The following CHCHD6 variants were observed in gnomAD, a reference collection of about 807,000 sequenced individuals.
The protein encoded by CHCHD6 is MICOS complex subunit MIC25.
In CHCHD6, 28 loss-of-function variants were observed where a neutral mutation model predicts 32.3. The ratio of observed to expected loss-of-function variants is 0.87; its 90% CI spans 0.64 to 1.19. CHCHD6 has a LOEUF of 1.19. CHCHD6 is among the 50% of genes most tolerant of loss of function. CHCHD6 has a pLI of 0.00. For synonymous variants in CHCHD6, 122 were observed against 117.5 expected (o/e 1.04, Z -0.25); for missense variants, 333 against 307.0 (o/e 1.08, Z -0.63).
chr3:126,831,058 CTT>C (rs377625869), intron 4 of CHCHD6, among the ~76,000 whole-genome samples: 6 of 151,622 alleles, frequency 4.0e-5, no homozygotes, highest in South Asian at 2.1e-4. Flanking sequence ...TAGTCTCACT[CTT>C]TTGCTCAGGC....
At chr3:126,780,334 G>T in intron 4 of CHCHD6, 1 of 427,108 alleles carries the variant, frequency 2.3e-6, no homozygotes, top group Non-Finnish European at 4.7e-6. Flanking sequence ...TTTTATTTTT[G>T]AACAGATAAT....
intron 4 of CHCHD6, among the ~76,000 whole-genome samples, chr3:126,783,273 A>G (rs1938038860): frequency 6.6e-6 from 1 of 152,242 alleles, no homozygotes; most frequent in South Asian, 2.1e-4. Context: ...TCATGATAAA[A>G]ATCGTCAGCA....
At chr3:126,817,998 G>C (rs1296219937) in intron 4 of CHCHD6, among the ~76,000 whole-genome samples, 1 of 152,174 alleles carries the variant, frequency 6.6e-6, no homozygotes, top group Non-Finnish European at 1.5e-5. Flanking sequence ...GCACAGTTTA[G>C]CACCTCCCTC....
chr3:126,895,106 T>C (rs189617240), intron 5 of CHCHD6, among the ~76,000 whole-genome samples: 79 of 152,368 alleles, frequency 5.2e-4, no homozygotes, highest in Admixed American at 1.4e-3. Context: ...TAATAAGATA[T>C]CTTGCAGTTC....
intron 5 of CHCHD6, among the ~76,000 whole-genome samples, chr3:126,864,088 T>A (rs1942127723): frequency 7.1e-6 from 1 of 140,038 alleles, no homozygotes; most frequent in Non-Finnish European, 1.5e-5. Context: ...CACCACCTCC[T>A]CCACCACCAT....
chr3:126,912,656 C>A, intron 5 of CHCHD6, among the ~76,000 whole-genome samples: 1 of 152,252 alleles, frequency 6.6e-6, no homozygotes, highest in East Asian at 1.9e-4. Flanking sequence ...GCCCCCAGGC[C>A]TCCCTGACTC....
chr3:126,957,895 G>A (rs1395660295), intron 7 of CHCHD6: 2 of 399,390 alleles, frequency 5.0e-6, no homozygotes, highest in Non-Finnish European at 9.5e-6. Flanking sequence ...GGCACTTAGG[G>A]GTGGGAGGGT....
In CHCHD6 at chr3:126,863,499, T is replaced by C. The variant is rs377402997; in HGVS notation, c.495+10769T>C. Among the ~76,000 whole-genome samples the C allele has an allele frequency of 9.2e-3, 249 of 27,024 alleles. 1 individual carries two copies. The highest frequency in any genetic ancestry group is 0.059 in the Middle Eastern group (2 of 34). The allele number at this position is 27,024 out of a possible 152,430, so 17.7% of individuals were successfully genotyped here. ...CCACCATCACCACCTCCTCCTCCTC[T>C]ACTATCACCACCTCCTCCTCCACCA... On this transcript the variant is annotated intron_variant, in intron 5 of 7. Coordinates refer to ENST00000290913, the MANE Select transcript of CHCHD6 (RefSeq NM_032343.3).
At chr3:126,838,195 G>A (rs1940937044) in intron 4 of CHCHD6, among the ~76,000 whole-genome samples, 2 of 152,244 alleles carry the variant, frequency 1.3e-5, no homozygotes, top group African/African-American at 2.4e-5. Flanking sequence ...AGATGGTCTT[G>A]TAATAGAATG....
At chr3:126,804,100 A>G (rs1282640262) in intron 4 of CHCHD6, among the ~76,000 whole-genome samples, 2 of 152,044 alleles carry the variant, frequency 1.3e-5, no homozygotes, top group Non-Finnish European at 2.9e-5. Context: ...AAATGCCCAC[A>G]AGAGAAAGCA....
chr3:126,913,015 T>C (rs1028383299), intron 5 of CHCHD6, among the ~76,000 whole-genome samples: 90 of 152,304 alleles, frequency 5.9e-4, no homozygotes, highest in Non-Finnish European at 1.1e-3. Flanking sequence ...AGGCTAGCTG[T>C]GTGCCTGGTG....
chr3:126,753,483 G>A (rs894023165), intron 4 of CHCHD6, among the ~76,000 whole-genome samples: 16 of 152,224 alleles, frequency 1.1e-4, no homozygotes, highest in Non-Finnish European at 1.9e-4. Flanking sequence ...GCTGCGGCTT[G>A]TAGACCGGCC....
chr3:126,953,785 C>A (rs1281652559), intron 6 of CHCHD6, among the ~76,000 whole-genome samples: 1 of 152,178 alleles, frequency 6.6e-6, no homozygotes, highest in East Asian at 1.9e-4. Context: ...AAGGAAATGT[C>A]CTTACACAGG....
intron 5 of CHCHD6, among the ~76,000 whole-genome samples, chr3:126,900,091 CT>C (rs1016630057): frequency 6.6e-6 from 1 of 152,136 alleles, no homozygotes; most frequent in African/African-American, 2.4e-5. Context: ...AAGTATTGGG[CT>C]TTTTTGCTGT....
intron 5 of CHCHD6, among the ~76,000 whole-genome samples, chr3:126,878,265 T>G (rs1472346759): frequency 2.0e-5 from 3 of 152,262 alleles, no homozygotes; most frequent in African/African-American, 7.2e-5. Context: ...TAAGCACTCC[T>G]TTCACCTAAA....
chr3:126,717,367 G>A (rs1408282592), intron 1 of CHCHD6, among the ~76,000 whole-genome samples: 2 of 152,116 alleles, frequency 1.3e-5, no homozygotes, highest in African/African-American at 4.8e-5. Flanking sequence ...TCCTGTCCTT[G>A]TTCATTCAGT....
intron 1 of CHCHD6, among the ~76,000 whole-genome samples, chr3:126,712,138 G>A (rs1358553542): frequency 6.6e-6 from 1 of 152,182 alleles, no homozygotes; most frequent in Non-Finnish European, 1.5e-5. Flanking sequence ...TTTCCCGCTG[G>A]TGCGTTCCAT....
chr3:126,725,536 T>A (rs1183414970), intron 1 of CHCHD6, among the ~76,000 whole-genome samples: 5 of 152,258 alleles, frequency 3.3e-5, no homozygotes, highest in Non-Finnish European at 5.9e-5. Context: ...TGGCTTCCAT[T>A]AAAAGTCACC....
intron 5 of CHCHD6, among the ~76,000 whole-genome samples, chr3:126,872,642 C>T (rs1350173422): frequency 1.3e-5 from 2 of 152,204 alleles, no homozygotes; most frequent in African/African-American, 2.4e-5. Flanking sequence ...AGGCATAGAA[C>T]CTTCCTTGCC....
Sources: allele counts gnomAD v4.1 joint callset (sites outside exome capture counted in the v4.1 genomes callset), GRCh38; gene constraint gnomAD v4.1.1; transcripts MANE v1.5; gene names NCBI Gene and HGNC (gene_info 2026-07-23, HGNC 2026-07-21).